Variants in DNM3 observed in about 807,000 individuals in gnomAD.
DNM3 encodes the protein dynamin-3.
DNM3 carries 47 observed loss-of-function variants against 101.6 expected under a neutral mutation model. That is an observed-to-expected ratio of 0.46 (90% confidence interval 0.37 to 0.59). DNM3 has a LOEUF of 0.59. Among genes scored for constraint, DNM3 ranks in the 20% least tolerant of loss-of-function variants. The pLI is 0.00. For synonymous variants in DNM3, 385 were observed against 387.9 expected, an observed-to-expected ratio of 0.99 and a Z score of 0.09; for missense variants, 849 against 1,085.7, an observed-to-expected ratio of 0.78 and a Z score of 3.06.
intron 10 of DNM3, among the ~76,000 whole-genome samples, chr1:172,063,492 T>C (rs16843770): frequency 0.03 from 4,580 of 152,162 alleles, 223 homozygotes; most frequent in African/African-American, 0.1. Flanking sequence ...TATTAAAACA[T>C]GTTTTGCTGC....
chr1:171,926,048 T>C lies in DNM3; in HGVS notation c.235+4227T>C, dbSNP rs1483574510. Among the ~76,000 whole-genome samples, 11 of 152,326 alleles carry C rather than the reference T, an allele frequency of 7.2e-5. 1 individual carries two copies. In the East Asian group the frequency reaches 2.1e-3, roughly 29 times the overall value. On this transcript the variant is annotated intron_variant, in intron 2 of 20. Transcript: ENST00000627582. ...TTTACTTCTGAGTTCTCTGTTCTTTTACATTGATCTATGTGTCTATTTTCA... is the reference window on the plus strand; with the variant it reads ...TTTACTTCTGAGTTCTCTGTTCTTTCACATTGATCTATGTGTCTATTTTCA...
chr1:172,241,089 A>G (rs2061730541), intron 14 of DNM3, among the ~76,000 whole-genome samples: 1 of 152,130 alleles, frequency 6.6e-6, no homozygotes, highest in Admixed American at 6.6e-5. Context: ...GCAAACCACC[A>G]GGATTTTTTT....
chr1:172,284,337 T>C (rs561588989), intron 15 of DNM3, among the ~76,000 whole-genome samples: 1 of 152,318 alleles, frequency 6.6e-6, no homozygotes, highest in African/African-American at 2.4e-5. Flanking sequence ...TTTTGTTTTG[T>C]TTTTAGGGGA....
At chr1:172,137,606 T>A (rs1336292835) in intron 14 of DNM3, 1 of 152,182 alleles carries the variant, frequency 6.6e-6, no homozygotes, top group Non-Finnish European at 1.5e-5. Flanking sequence ...GAAAAATAGT[T>A]TGCTTTAGTT....
chr1:172,147,351 C>G (rs933707121), intron 14 of DNM3, among the ~76,000 whole-genome samples: 2 of 152,108 alleles, frequency 1.3e-5, no homozygotes, highest in African/African-American at 4.8e-5. Context: ...CACTTGAATA[C>G]CCAAAATGTA....
intron 14 of DNM3, among the ~76,000 whole-genome samples, chr1:172,180,531 T>C (rs1285356642): frequency 6.6e-6 from 1 of 152,128 alleles, no homozygotes; most frequent in Admixed American, 6.6e-5. Flanking sequence ...ATTAAGAGCT[T>C]ACTGCTAGAA....
chr1:172,013,928 G>A (rs1364342930), intron 4 of DNM3, among the ~76,000 whole-genome samples: 1 of 151,894 alleles, frequency 6.6e-6, no homozygotes, highest in African/African-American at 2.4e-5. Context: ...TTATTATTTT[G>A]AGCAGTTTTA....
At chr1:172,007,045 G>A (rs1431747368) in intron 4 of DNM3, among the ~76,000 whole-genome samples, 1 of 152,008 alleles carries the variant, frequency 6.6e-6, no homozygotes, top group African/African-American at 2.4e-5. Context: ...ACCATATTCT[G>A]TCTTCCATTT....
chr1:171,939,653 T>C (rs1004754931), intron 2 of DNM3, among the ~76,000 whole-genome samples: 2 of 152,220 alleles, frequency 1.3e-5, no homozygotes, highest in Non-Finnish European at 1.5e-5. Flanking sequence ...ATAGTTGATA[T>C]TGAAGAGAAC....
rs2071096272 is a variant in DNM3, at chr1:172,409,610, CTT to C, written c.*1771_*1772del. On this transcript the variant is annotated 3_prime_UTR_variant, in exon 21 of 21. Coordinates refer to ENST00000627582, the MANE Select transcript of DNM3 (RefSeq NM_015569.5). ...CAAACTGGGGGAAAAAAAGTTAACT[CTT>C]TGTGAATGGAACCAATGTGCAAGAT... 3 of 985,516 alleles carry C rather than the reference CTT, an allele frequency of 3.0e-6. No homozygotes were observed. Among genetic ancestry groups the C allele is most frequent in the South Asian group, 4.7e-5 (1 of 21,292 alleles). 61.0% of individuals were successfully genotyped at this position (985,516 alleles called of 1,614,324 possible). A position where few individuals can be genotyped will look rare whatever the true frequency, so the allele number is the denominator to read the frequency against.
At chr1:172,342,067 A>G (rs943151432) in intron 17 of DNM3, among the ~76,000 whole-genome samples, 5 of 152,226 alleles carry the variant, frequency 3.3e-5, no homozygotes, top group African/African-American at 1.2e-4. Flanking sequence ...ATAGCATCTC[A>G]TACCAGTCAG....
chr1:171,960,636 A>G (rs1158598589), intron 2 of DNM3, among the ~76,000 whole-genome samples: 1 of 152,194 alleles, frequency 6.6e-6, no homozygotes, highest in Admixed American at 6.5e-5. Context: ...TTTCATAAGA[A>G]GAGGAAGAGA....
At chr1:172,256,756 G>A (rs2062415531) in intron 15 of DNM3, among the ~76,000 whole-genome samples, 1 of 151,622 alleles carries the variant, frequency 6.6e-6, no homozygotes. Context: ...ATTTAGATGT[G>A]TAGCTCATTA....
chr1:171,935,769 CTTTTTTTTTTTTTTTT>C (rs551030808), intron 2 of DNM3, among the ~76,000 whole-genome samples: 2 of 47,990 alleles, frequency 4.2e-5, no homozygotes, highest in African/African-American at 1.5e-4. Flanking sequence ...CAAATCAAAA[CTTTTTTTTTTTTTTTT>C]TTTTTTTTTT....
chr1:171,943,195 A>G (rs1282801758), intron 2 of DNM3, among the ~76,000 whole-genome samples: 1 of 152,216 alleles, frequency 6.6e-6, no homozygotes, highest in African/African-American at 2.4e-5. Flanking sequence ...TGGCTTACTG[A>G]GGAAAAGCAG....
chr1:172,033,047 T>C, intron 5 of DNM3, 58 bp from the exon 6 acceptor site: 1 of 1,564,406 alleles, frequency 6.4e-7, no homozygotes, highest in East Asian at 2.3e-5. Context: ...CCTTGAAATC[T>C]CCCTAGAATA....
chr1:172,031,150 C>A (rs1225098868), intron 4 of DNM3, among the ~76,000 whole-genome samples: 1 of 152,094 alleles, frequency 6.6e-6, no homozygotes, highest in Non-Finnish European at 1.5e-5. Context: ...TTGGAACCAA[C>A]CCAAATGGCC....
At chr1:172,301,594 G>A (rs568433945) in intron 15 of DNM3, among the ~76,000 whole-genome samples, 242 of 152,232 alleles carry the variant, frequency 1.6e-3, no homozygotes, top group African/African-American at 5.4e-3. Context: ...TGTGACAAGT[G>A]CTCATGGATG....
rs923107983 is a variant in DNM3 at position 171,975,969 on chromosome 1, A to G, written c.236-11687A>G. Among the ~76,000 whole-genome samples the G allele has an allele frequency of 3.9e-5, 6 of 152,242 alleles. No individual in the cohort carries two copies. The East Asian group carries it at 1.2e-3, about 29-fold the overall frequency. ...AGCCTGGGCAACTTAGCAAGACCCTATCTCTTAAAATGAGGGCTTATAAAG... is the reference window on the plus strand; with the variant it reads ...AGCCTGGGCAACTTAGCAAGACCCTGTCTCTTAAAATGAGGGCTTATAAAG... On this transcript the variant is annotated intron_variant, in intron 2 of 20. Transcript: ENST00000627582.
Sources: gnomAD v4.1 joint callset for allele counts (sites outside exome capture counted in the v4.1 genomes callset) on GRCh38, gnomAD v4.1.1 for gene constraint, MANE v1.5 for transcripts, NCBI Gene and HGNC (gene_info 2026-07-23, HGNC 2026-07-21) for gene names.